Variants in CAPZB observed in about 807,000 individuals in gnomAD.
CAPZB encodes F-actin-capping protein subunit beta.
CAPZB carries 2 observed loss-of-function variants against 38.1 expected under a neutral mutation model. The observed-to-expected ratio is 0.05, with a 90% CI of 0.02 to 0.17. CAPZB has a LOEUF of 0.17. Among genes scored for constraint, CAPZB ranks in the 10% least tolerant of loss-of-function variants. CAPZB has a pLI of 1.00. For missense variants in CAPZB, 161 were observed against 334.2 expected (o/e 0.48, Z 4.04); for synonymous variants, 107 against 127.4 (o/e 0.84, Z 1.08).
chr1:19,451,556 C>G (rs2094516060), intron 1 of CAPZB, among the ~76,000 whole-genome samples: 1 of 152,024 alleles, frequency 6.6e-6, no homozygotes, highest in Non-Finnish European at 1.5e-5. Flanking sequence ...CCGAGTGTCC[C>G]ACCTTAGTGA....
intron 4 of CAPZB, among the ~76,000 whole-genome samples, chr1:19,372,819 T>C (rs884074): frequency 0.12 from 18,371 of 151,964 alleles, 2,445 homozygotes; most frequent in African/African-American, 0.33. Flanking sequence ...CCTGGATGAG[T>C]CAGGCCCATC....
chr1:19,427,128 G>A (rs989297448), intron 1 of CAPZB, among the ~76,000 whole-genome samples: 2 of 152,224 alleles, frequency 1.3e-5, no homozygotes, highest in East Asian at 1.9e-4. Flanking sequence ...TCACCGGAGT[G>A]TGTACGTTTT....
chr1:19,448,770 CA>C, intron 1 of CAPZB: 2 of 1,597,346 alleles, frequency 1.3e-6, no homozygotes, highest in Non-Finnish European at 1.7e-6. Flanking sequence ...GTTAACATTT[CA>C]ACCCTGATGG....
At chr1:19,416,389 T>C (rs1228116818) in intron 2 of CAPZB, among the ~76,000 whole-genome samples, 3 of 152,118 alleles carry the variant, frequency 2.0e-5, no homozygotes, top group Non-Finnish European at 4.4e-5. Context: ...CACATCCCTA[T>C]CCTGGCTTCT....
Position 19,357,806 on chromosome 1 carries a change from A to G in CAPZB, c.330-243T>C, listed in dbSNP as rs1027331647. Among the ~76,000 whole-genome samples the G allele has an allele frequency of 1.3e-5, 2 of 152,022 alleles. No individual in the cohort carries two copies. Among genetic ancestry groups the G allele is most frequent in the African/African-American group, 4.8e-5 (2 of 41,380 alleles). ...GAGGTTGGACTCTGCCACCTCCTCTATCTGTGTGGTCTTTGGCTTACTGAA... is the reference window on the plus strand; with the variant it reads ...GAGGTTGGACTCTGCCACCTCCTCTGTCTGTGTGGTCTTTGGCTTACTGAA... On this transcript the variant is annotated intron_variant, in intron 4 of 8. Coordinates refer to ENST00000264202, the MANE Select transcript of CAPZB (RefSeq NM_004930.5). This position sits in a 1 kb window ranked among gnomAD's most constrained non-coding sequence, Gnocchi z 4.3.
At chr1:19,365,143 T>G (rs1476883687) in intron 4 of CAPZB, among the ~76,000 whole-genome samples, 1 of 152,162 alleles carries the variant, frequency 6.6e-6, no homozygotes, top group African/African-American at 2.4e-5. Flanking sequence ...CGTGTACAGC[T>G]GAATATTTTT....
chr1:19,370,049 T>C (rs2100382012), intron 4 of CAPZB, among the ~76,000 whole-genome samples: 1 of 152,324 alleles, frequency 6.6e-6, no homozygotes, highest in South Asian at 2.1e-4. Flanking sequence ...ACATCAGAGC[T>C]GTCCTACCCT....
At chr1:19,402,811 G>GC (rs2094310075) in intron 2 of CAPZB, among the ~76,000 whole-genome samples, 1 of 152,158 alleles carries the variant, frequency 6.6e-6, no homozygotes, top group South Asian at 2.1e-4. Flanking sequence ...ACTTTGGAAG[G>GC]CCGAGGCGGG....
At chr1:19,446,015 C>CGGCATCACCTGG (rs1553288789) in intron 1 of CAPZB, among the ~76,000 whole-genome samples, 2 of 152,204 alleles carry the variant, frequency 1.3e-5, no homozygotes, top group Non-Finnish European at 2.9e-5. Flanking sequence ...GGAGGCCTCT[C>CGGCATCACCTGG]GGCATCACCT....
chr1:19,405,904 C>T (rs2094329492), intron 2 of CAPZB, among the ~76,000 whole-genome samples: 1 of 152,212 alleles, frequency 6.6e-6, no homozygotes, highest in East Asian at 1.9e-4. Flanking sequence ...TGGAGCTTCA[C>T]AAGCGCTGCT....
At chr1:19,372,267 A>G (rs2094123181) in intron 4 of CAPZB, among the ~76,000 whole-genome samples, 1 of 152,250 alleles carries the variant, frequency 6.6e-6, no homozygotes, top group African/African-American at 2.4e-5. Context: ...AGGCCAATAA[A>G]TTGCAACCGC....
intron 4 of CAPZB, among the ~76,000 whole-genome samples, chr1:19,371,979 G>T (rs1356365895): frequency 6.6e-6 from 1 of 152,234 alleles, no homozygotes; most frequent in Admixed American, 6.5e-5. Flanking sequence ...AGGCCGGGGG[G>T]TGGGGCCCAT....
At chr1:19,393,229 A>AC (rs1360195028) in intron 2 of CAPZB, among the ~76,000 whole-genome samples, 1 of 152,232 alleles carries the variant, frequency 6.6e-6, no homozygotes, top group African/African-American at 2.4e-5. Flanking sequence ...AGGCACCTGC[A>AC]CAGGCGGCAG....
intron 1 of CAPZB, among the ~76,000 whole-genome samples, chr1:19,476,235 G>A (rs2094606679): frequency 6.6e-6 from 1 of 151,178 alleles, no homozygotes; most frequent in African/African-American, 2.5e-5. Context: ...TAGGCAGGCA[G>A]GCAGGCACTG....
intron 4 of CAPZB, among the ~76,000 whole-genome samples, chr1:19,362,891 T>TG (rs929929153): frequency 3.3e-5 from 5 of 151,036 alleles, no homozygotes; most frequent in East Asian, 3.9e-4. Context: ...AACCATGAAG[T>TG]GGGGGGGCCT....
At chr1:19,420,105 C>T (rs3790759) in intron 1 of CAPZB, 161,120 of 214,872 alleles carry the variant, frequency 0.75, 60,644 homozygotes, top group East Asian at 0.87. Flanking sequence ...GAACACACTC[C>T]AGTAGCGGAT....
chr1:19,369,752 G>C (rs1251303817), intron 4 of CAPZB, among the ~76,000 whole-genome samples: 3 of 152,194 alleles, frequency 2.0e-5, no homozygotes, highest in Non-Finnish European at 4.4e-5. Flanking sequence ...GAAGGGACAG[G>C]GAGTGAAGGG....
chr1:19,345,476 C>G (rs928248217), intron 6 of CAPZB, among the ~76,000 whole-genome samples: 3 of 152,218 alleles, frequency 2.0e-5, no homozygotes, highest in African/African-American at 7.2e-5. Context: ...GTCCCACTTC[C>G]AAGGGAGAAG....
intron 4 of CAPZB, among the ~76,000 whole-genome samples, chr1:19,362,276 G>A (rs1465792438): frequency 6.6e-6 from 1 of 152,060 alleles, no homozygotes; most frequent in Non-Finnish European, 1.5e-5. Flanking sequence ...TCGCTCTGTC[G>A]CCCAGGCTGG....
Sources: gnomAD v4.1 joint callset for allele counts (sites outside exome capture counted in the v4.1 genomes callset) on GRCh38, gnomAD v4.1.1 for gene constraint, Gnocchi (gnomAD v3.1) non-coding constraint, MANE v1.5 for transcripts, NCBI Gene and HGNC (gene_info 2026-07-23, HGNC 2026-07-21) for gene names.